EEFSEC: variants seen among roughly 807,000 people sequenced by gnomAD.
EEFSEC encodes selenocysteine-specific elongation factor.
EEFSEC carries 43 observed loss-of-function variants against 42.1 expected under a neutral mutation model. The ratio of observed to expected loss-of-function variants is 1.02; its 90% CI spans 0.80 to 1.32. EEFSEC has a LOEUF of 1.32. Among genes scored for constraint, EEFSEC ranks in the 40% most tolerant of loss-of-function variants. EEFSEC has a pLI of 0.00. For missense variants in EEFSEC, 745 were observed against 803.6 expected (o/e 0.93, Z 0.88); for synonymous variants, 354 against 339.1 (o/e 1.04, Z -0.48).
downstream of EEFSEC, among the ~76,000 whole-genome samples, chr3:128,409,729 C>G (rs989048671): frequency 1.3e-5 from 2 of 152,176 alleles, no homozygotes; most frequent in Non-Finnish European, 2.9e-5. Flanking sequence ...GCCTAGGAGC[C>G]GACTCCCCCT....
chr3:128,296,994 T>G (rs1020365394), intron 4 of EEFSEC, among the ~76,000 whole-genome samples: 1 of 152,116 alleles, frequency 6.6e-6, no homozygotes, highest in Non-Finnish European at 1.5e-5. Context: ...TTGGCAAAGC[T>G]CCCTGCAGTC....
At chr3:128,390,496 G>GA (rs1029053724) in intron 6 of EEFSEC, among the ~76,000 whole-genome samples, 1 of 152,210 alleles carries the variant, frequency 6.6e-6, no homozygotes, top group Non-Finnish European at 1.5e-5. Context: ...TTCGCCAAAT[G>GA]AAAAAACCTA....
At chr3:128,283,490 C>T (rs1476507979) in intron 4 of EEFSEC, among the ~76,000 whole-genome samples, 1 of 152,170 alleles carries the variant, frequency 6.6e-6, no homozygotes, top group Non-Finnish European at 1.5e-5. Flanking sequence ...GTGGCTCTAC[C>T]CTCCAGGCAG....
intron 1 of EEFSEC, 123 bp downstream of exon 1, chr3:128,153,946 C>T (rs1270893117): frequency 7.4e-7 from 1 of 1,351,956 alleles, no homozygotes; most frequent in Non-Finnish European, 9.6e-7. Context: ...GGTGGGGCTC[C>T]TGACGCCCCA....
chr3:128,174,128 T>C (rs1576518012), intron 1 of EEFSEC, among the ~76,000 whole-genome samples: 1 of 152,174 alleles, frequency 6.6e-6, no homozygotes, highest in Non-Finnish European at 1.5e-5. Context: ...CTCCCCTCTG[T>C]TTCCACAGAT....
At chr3:128,211,348 G>A (rs1409260836) in intron 1 of EEFSEC, among the ~76,000 whole-genome samples, 1 of 151,960 alleles carries the variant, frequency 6.6e-6, no homozygotes, top group Non-Finnish European at 1.5e-5. Flanking sequence ...TGAACTCCTG[G>A]GTTCAAGGAA....
At chr3:128,391,300 C>T (rs547910299) in intron 6 of EEFSEC, among the ~76,000 whole-genome samples, 3 of 152,356 alleles carry the variant, frequency 2.0e-5, no homozygotes, top group African/African-American at 7.2e-5. Context: ...AATGGTCTCC[C>T]GCCCCAAGCT....
chr3:128,296,538 T>G (rs888171390), intron 4 of EEFSEC, among the ~76,000 whole-genome samples: 2 of 152,192 alleles, frequency 1.3e-5, no homozygotes, highest in Non-Finnish European at 2.9e-5. Context: ...CTCAGCATAC[T>G]CACCTTCATG....
chr3:128,378,456 T>A (rs2067735036), intron 6 of EEFSEC, among the ~76,000 whole-genome samples: 1 of 152,178 alleles, frequency 6.6e-6, no homozygotes, highest in Non-Finnish European at 1.5e-5. Flanking sequence ...GGAATCATGT[T>A]GGATCTGTGC....
chr3:128,397,209 T>G (rs58570630), intron 6 of EEFSEC, among the ~76,000 whole-genome samples: 1 of 152,202 alleles, frequency 6.6e-6, no homozygotes, highest in Non-Finnish European at 1.5e-5. Context: ...CCACAGGAGA[T>G]GGCTGCAGCC....
At chr3:128,393,278 C>G (rs1277943392) in intron 6 of EEFSEC, among the ~76,000 whole-genome samples, 1 of 152,242 alleles carries the variant, frequency 6.6e-6, no homozygotes, top group East Asian at 1.9e-4. Context: ...AGCTGAGCAC[C>G]TTTCCAGGGT....
chr3:128,356,620 A>T (rs998134872), intron 5 of EEFSEC, among the ~76,000 whole-genome samples: 2 of 152,234 alleles, frequency 1.3e-5, no homozygotes, highest in African/African-American at 4.8e-5. Context: ...ATTTGTAAAC[A>T]GGTGATGCAT....
intron 4 of EEFSEC, among the ~76,000 whole-genome samples, chr3:128,276,413 T>G (rs2066468737): frequency 1.3e-5 from 2 of 152,170 alleles, no homozygotes; most frequent in Admixed American, 1.3e-4. Flanking sequence ...ACTCTGAAGT[T>G]AGACAAACCT....
intron 4 of EEFSEC, among the ~76,000 whole-genome samples, chr3:128,326,933 G>A (rs898012489): frequency 2.6e-5 from 4 of 152,234 alleles, no homozygotes; most frequent in East Asian, 1.9e-4. Context: ...TGTTCTATGC[G>A]CTGTGCTCAC....
intron 1 of EEFSEC, among the ~76,000 whole-genome samples, chr3:128,158,182 T>C (rs746917081): frequency 1.8e-4 from 28 of 152,232 alleles, no homozygotes; most frequent in Non-Finnish European, 2.9e-4. Context: ...TACAATCTCA[T>C]GATCAATCTT....
At chr3:128,284,757 A>C (rs1302407377) in intron 4 of EEFSEC, among the ~76,000 whole-genome samples, 1 of 152,150 alleles carries the variant, frequency 6.6e-6, no homozygotes, top group East Asian at 1.9e-4. Context: ...TCATGAACTA[A>C]GACTGTACAT....
At chr3:128,153,863 G>C (rs1439030336) in intron 1 of EEFSEC, 40 bp downstream of exon 1, 2 of 1,462,814 alleles carry the variant, frequency 1.4e-6, no homozygotes, top group Middle Eastern at 2.3e-4. Context: ...TCAGGGACGC[G>C]GGCGGAGCGA....
At chr3:128,360,004 CA>C (rs1337581330) in intron 6 of EEFSEC, among the ~76,000 whole-genome samples, 2 of 152,228 alleles carry the variant, frequency 1.3e-5, no homozygotes, top group African/African-American at 4.8e-5. Context: ...TGAGCAAGGG[CA>C]ATGGTCACAG....
At chr3:128,186,194 T>A (rs1055598752) in intron 1 of EEFSEC, among the ~76,000 whole-genome samples, 1 of 152,232 alleles carries the variant, frequency 6.6e-6, no homozygotes, top group Non-Finnish European at 1.5e-5. Context: ...GTGAGTGATA[T>A]TTAGCATCTT....
Sources: allele counts gnomAD v4.1 joint callset (sites outside exome capture counted in the v4.1 genomes callset), GRCh38; gene constraint gnomAD v4.1.1; transcripts MANE v1.5; gene names NCBI Gene and HGNC (gene_info 2026-07-23, HGNC 2026-07-21).